Variants in HOXB3 observed in about 807,000 individuals in gnomAD.
HOXB3 encodes homeobox B3, also known as homeobox protein Hox-B3.
HOXB3 carries 17 observed loss-of-function variants against 29.2 expected under a neutral mutation model. That is an observed-to-expected ratio of 0.58 (90% CI 0.40 to 0.87). The LOEUF is 0.87. HOXB3 is among the 40% of genes least tolerant of loss of function. The pLI is 0.00. For missense variants in HOXB3, 637 were observed against 616.3 expected, an observed-to-expected ratio of 1.03 and a Z score of -0.35; for synonymous variants, 317 against 285.9, an observed-to-expected ratio of 1.11 and a Z score of -1.10.
chr17:48,550,878 C>G lies in HOXB3; in HGVS notation c.752G>C (p.Gly251Ala). The G allele has an allele frequency of 1.2e-6, 2 of 1,613,906 alleles. No individual in the cohort carries two copies. Among genetic ancestry groups the G allele is most frequent in the Non-Finnish European group, 1.7e-6 (2 of 1,179,858 alleles). Reference sequence around the variant, plus strand: ...TGGGCCCCCCGACGACGAGGCCAATCCCTTGGCCTTCTGGTCCTTCTTGTA... The same window carrying G: ...TGGGCCCCCCGACGACGAGGCCAATGCCTTGGCCTTCTGGTCCTTCTTGTA... ...MKYKKDQKAK[G>A]LASSSGGPSP... Residue 251 changes from glycine (G) to alanine (A), a missense_variant, in exon 5 of 5, where the codon GGA (glycine) becomes GCA (alanine). By Grantham distance (60) the Gly-to-Ala change is moderately conservative (BLOSUM62 0). Transcript: ENST00000498678.
intron 2 of HOXB3, among the ~76,000 whole-genome samples, chr17:48,572,700 G>T (rs906482840): frequency 6.6e-6 from 1 of 152,070 alleles, no homozygotes; most frequent in Admixed American, 6.5e-5. Flanking sequence ...AAATCTTTAC[G>T]TTTTTTTCCC....
chr17:48,570,230 G>C (rs1251001723), intron 2 of HOXB3, among the ~76,000 whole-genome samples: 7 of 152,072 alleles, frequency 4.6e-5, no homozygotes, highest in Non-Finnish European at 1.0e-4. Context: ...AAATACCAGG[G>C]ACTATCTATT....
At chr17:48,568,637 GCA>G (rs34290848) in intron 2 of HOXB3, among the ~76,000 whole-genome samples, 22,608 of 151,160 alleles carry the variant, frequency 0.15, 1,908 homozygotes, top group Non-Finnish European at 0.19. Context: ...AGACGCGCAC[GCA>G]CACACACGCG....
chr17:48,562,443 G>A lies in HOXB3; in HGVS notation c.-246-6825C>T, dbSNP rs557620989. On this transcript the variant is annotated intron_variant, in intron 2 of 4. Transcript: ENST00000498678. ...GCTTCCCCATAGAAATAGGTCTGCC[G>A]GCAGCTGCACCTCAAAGCTTGCTTT... Among the ~76,000 whole-genome samples the A allele has an allele frequency of 4.6e-5, 7 of 152,188 alleles. No individual in the cohort carries two copies. In the South Asian group the frequency reaches 1.0e-3, roughly 23 times the overall value.
chr17:48,551,886 G>A, intron 4 of HOXB3, 141 bp downstream of exon 4: 1 of 749,226 alleles, frequency 1.3e-6, no homozygotes, highest in Non-Finnish European at 2.3e-6. Flanking sequence ...TTAGGGGGTA[G>A]GGGTATCAAA....
chr17:48,578,545 CT>C, intron 1 of HOXB3: 1 of 507,964 alleles, frequency 2.0e-6, no homozygotes, highest in Non-Finnish European at 3.4e-6. Context: ...TCCCTTCCCC[CT>C]CCCCACCCAC....
Position 48,552,498 on chromosome 17 carries a change from G to A in HOXB3, c.-24C>T. 1.3e-6 allele frequency: 2 copies of A among 1,536,704 alleles called. No individual in the cohort carries two copies. Among genetic ancestry groups the A allele is most frequent in the Non-Finnish European group, 1.8e-6 (2 of 1,137,808 alleles). ...ATCGCTGGGTGAGGCCTGGGCAGTG[G>A]GTGGCAACTTGGAAAGGCCTGATAC... On this transcript the variant is annotated 5_prime_UTR_variant, in exon 4 of 5. Coordinates refer to ENST00000498678, the MANE Select transcript of HOXB3 (RefSeq NM_001384749.1).
Position 48,550,741 on chromosome 17 carries a change from C to G in HOXB3, c.889G>C (p.Ala297Pro), listed in dbSNP as rs926501610. 1 of 1,583,732 alleles carries G rather than the reference C, an allele frequency of 6.3e-7. No individual in the cohort carries two copies. The highest frequency in any genetic ancestry group is 1.7e-5 in the Admixed American group (1 of 57,670). ...GGCAGCGCGTAGGCATTCTGGTGGG[C>G]TTTACCGAAGGCGGGTGGGGACGGG... ...ESPSPPAFGKAHQNAYALPSN... is the reference protein window; with the variant it reads ...ESPSPPAFGKPHQNAYALPSN... The change falls in exon 5 of 5, where the codon GCC becomes CCC. Residue 297 changes from alanine (A) to proline (P), a missense_variant. By Grantham distance (27) the Ala-to-Pro change is conservative (BLOSUM62 -1). Coordinates refer to ENST00000498678, the MANE Select transcript of HOXB3 (RefSeq NM_001384749.1).
chr17:48,562,718 C>T (rs2069242045), intron 2 of HOXB3, among the ~76,000 whole-genome samples: 1 of 152,100 alleles, frequency 6.6e-6, no homozygotes, highest in Admixed American at 6.5e-5. Flanking sequence ...GGTGCGGGGC[C>T]CAAGTGTCTG....
chr17:48,550,282 CCA>C lies in HOXB3; in HGVS notation c.*50_*51del. ...GACCTCCAGGTTGCCCCCCAGAGCT[CCA>C]CAGTCTCTCTCTTCCTCCCCATCCC... On this transcript the variant is annotated 3_prime_UTR_variant, in exon 5 of 5. Coordinates refer to ENST00000498678, the MANE Select transcript of HOXB3 (RefSeq NM_001384749.1). 3.7e-6 allele frequency: 6 copies of C among 1,609,946 alleles called. No homozygotes were observed. Among genetic ancestry groups the C allele is most frequent in the Middle Eastern group, 3.9e-4 (2 of 5,100 alleles).
rs761845554 is a variant in HOXB3, at chr17:48,550,374, TGAG to T, written c.1253_1255del (p.Pro418del). ...TTTGGGCGCTTCTTGGATTCTACCC[TGAG>T]GAGGAGGCGCGTGGTGAGAGGAGAG... is the stretch of plus-strand genomic sequence containing the variant. On this transcript the variant is annotated inframe_deletion, in exon 5 of 5. Coordinates refer to ENST00000498678, the MANE Select transcript of HOXB3 (RefSeq NM_001384749.1). The T allele has an allele frequency of 5.0e-6, 8 of 1,614,024 alleles. No homozygotes were observed. In the South Asian group the frequency reaches 8.8e-5, roughly 18 times the overall value.
At chr17:48,587,506 G>A (rs551383851) in intron 1 of HOXB3, among the ~76,000 whole-genome samples, 1 of 152,198 alleles carries the variant, frequency 6.6e-6, no homozygotes. Flanking sequence ...AGTTTGGGGG[G>A]GTTGTGCTGA....
intron 1 of HOXB3, among the ~76,000 whole-genome samples, chr17:48,584,656 T>A (rs1464441557): frequency 6.6e-6 from 1 of 152,188 alleles, no homozygotes; most frequent in Non-Finnish European, 1.5e-5. Flanking sequence ...ATATGGTGAC[T>A]CAAAGATTAT....
chr17:48,560,326 C>T (rs1289476722), intron 2 of HOXB3: 2 of 152,182 alleles, frequency 1.3e-5, no homozygotes, highest in Non-Finnish European at 2.9e-5. Flanking sequence ...AAAGGCCTTC[C>T]GAATTGCCTC....
At chr17:48,582,655 A>G (rs2144911185) in intron 1 of HOXB3, 1 of 152,258 alleles carries the variant, frequency 6.6e-6, no homozygotes, top group African/African-American at 2.4e-5. Context: ...GGTCATATTG[A>G]ATTTTGCGTA....
chr17:48,550,847 T>C lies in HOXB3; in HGVS notation c.783A>G (p.Pro261=), dbSNP rs1176540918. 6.2e-7 allele frequency: 1 copy of C among 1,613,890 alleles called. No homozygotes were observed. The highest frequency in any genetic ancestry group is 1.7e-5 in the Admixed American group (1 of 60,002). The change falls in exon 5 of 5, where the codon CCA becomes CCG. Residue 261 remains proline (P), a synonymous_variant. Transcript: ENST00000498678. ...GCATGGGCTGCGGGGGGCTGCCGGCTGGAGATGGGCCCCCCGACGACGAGG... is the reference window on the plus strand; with the variant it reads ...GCATGGGCTGCGGGGGGCTGCCGGCCGGAGATGGGCCCCCCGACGACGAGG... ...GLASSSGGPS[P]AGSPPQPMQS...
chr17:48,576,522 C>T, intron 1 of HOXB3: 1 of 416,940 alleles, frequency 2.4e-6, no homozygotes, highest in Non-Finnish European at 4.2e-6. Context: ...GGGGGCCTCC[C>T]CGTGGCCCTC....
chr17:48,550,504 G>A lies in HOXB3; in HGVS notation c.1126C>T (p.Leu376Phe). 1.3e-6 allele frequency: 2 copies of A among 1,599,620 alleles called. No individual in the cohort carries two copies. The highest frequency in any genetic ancestry group is 1.7e-6 in the Non-Finnish European group (2 of 1,176,204). The stretch of plus-strand genomic sequence containing the variant: ...AGGTTCCCGGAAGGGTGATGGGAAA[G>A]GTGGTTGAGGCCATAGAGGGAGGGG... ...AGPSLYGLNH[L>F]SHHPSGNLDY... The change falls in exon 5 of 5, where the codon CTT (leucine) becomes TTT (phenylalanine). Residue 376 changes from leucine (L) to phenylalanine (F), a missense_variant. Transcript: ENST00000498678.
chr17:48,576,456 TTTTTCTTTTTCTTTTTTTTAAGAAAGA>T (rs1436820150), intron 1 of HOXB3: 5 of 378,148 alleles, frequency 1.3e-5, no homozygotes, highest in African/African-American at 2.1e-5. Context: ...TTCTTCTTGC[TTTTTCTTTTTCTTTTTTTTAAGAAAGA>T]AAGCAAGAGA....
Sources: allele counts gnomAD v4.1 joint callset (sites outside exome capture counted in the v4.1 genomes callset), GRCh38; gene constraint gnomAD v4.1.1; transcripts MANE v1.5; gene names NCBI Gene and HGNC (gene_info 2026-07-23, HGNC 2026-07-21).